Variants in ARL17A observed in about 807,000 individuals in gnomAD.
ARL17A encodes the protein ARF like GTPase 17A.
At position 46,554,285 on chromosome 17, in the gene ARL17A, G is replaced by A. The variant is rs2057136867; in HGVS notation, c.*3071C>T. ...TCTACTAAAAATACTAAATTAGCTG[G>A]GTGTGGTGGCGCAGGCGTGTAATCC... is the stretch of plus-strand genomic sequence containing the variant. On this transcript the variant is annotated 3_prime_UTR_variant, in exon 4 of 4. Transcript: ENST00000336125. 2 of 118,348 alleles carry A rather than the reference G, an allele frequency of 1.7e-5. No individual in the cohort carries two copies. Among genetic ancestry groups the A allele is most frequent in the African/African-American group, 1.5e-4 (2 of 13,648 alleles). 7.3% of individuals were successfully genotyped at this position (118,348 alleles called of 1,614,324 possible).
chr17:46,542,628 G>A (rs1445940006), intron 3 of ARL17A, among the ~76,000 whole-genome samples: 2 of 150,324 alleles, frequency 1.3e-5, no homozygotes, highest in African/African-American at 2.5e-5. Context: ...CCAGGAGGTG[G>A]AGGTTGCAGT....
downstream of ARL17A, chr17:46,552,481 C>T (rs1231413626): frequency 2.7e-5 from 1 of 37,228 alleles, no homozygotes; most frequent in Non-Finnish European, 5.0e-5. Context: ...TGCTATGTTG[C>T]CCAGGCTGGT....
At chr17:46,550,733 G>T (rs886654509), downstream of ARL17A, among the ~76,000 whole-genome samples, 1 of 130,008 alleles carries the variant, frequency 7.7e-6, no homozygotes, top group African/African-American at 3.1e-5. Context: ...TCTGTGAATT[G>T]AAACCATGTG....
At position 46,558,898 on chromosome 17, in the gene ARL17A, G is replaced by A. The variant is rs1411931486; in HGVS notation, c.260-1268C>T. 4.9e-5 allele frequency: 4 copies of A among 81,318 alleles called. No homozygotes were observed. In the Admixed American group the frequency reaches 6.6e-4, roughly 13 times the overall value. 5.0% of individuals were successfully genotyped at this position (81,318 alleles called of 1,614,324 possible). ...TCACTTTGTTGCCCAGGCTGGTTTT[G>A]AACTCCTGGCCTCAAGTGATCCTCC... is the stretch of plus-strand genomic sequence containing the variant. On this transcript the variant is annotated intron_variant, in intron 3 of 3. Transcript: ENST00000336125.
At chr17:46,500,531 T>G in the ARL17A span, among the ~76,000 whole-genome samples, 1 of 149,772 alleles carries the variant, frequency 6.7e-6, no homozygotes, top group Admixed American at 6.6e-5. Context: ...GGAAGGACTG[T>G]TTCGAGGCAG....
chr17:46,532,019 T>G (rs1349539206), intron 4 of ARL17A, among the ~76,000 whole-genome samples: 1 of 149,598 alleles, frequency 6.7e-6, no homozygotes, highest in African/African-American at 2.5e-5. Context: ...TTCATTATTT[T>G]GCACATAGAT....
chr17:46,568,513 GA>G (rs773698388), intron 3 of ARL17A, among the ~76,000 whole-genome samples: 2,469 of 110,286 alleles, frequency 0.022, 525 homozygotes, highest in African/African-American at 0.069. Flanking sequence ...AAAAAAAAAA[GA>G]GGGGGGGAGG....
In ARL17A at chr17:46,558,063, T is replaced by G. The variant is rs1222360775; in HGVS notation, c.260-433A>C. Among the ~76,000 whole-genome samples the G allele has an allele frequency of 6.6e-5, 9 of 137,194 alleles. 2 individuals carry two copies. Among genetic ancestry groups the G allele is most frequent in the African/African-American group, 2.2e-4 (8 of 35,910 alleles). 90.0% of individuals were successfully genotyped at this position (137,194 alleles called of 152,430 possible). On this transcript the variant is annotated intron_variant, in intron 3 of 3. Coordinates refer to ENST00000336125, the MANE Select transcript of ARL17A (RefSeq NM_001113738.2). ...CAGGGAAATTCAGGAGTTTTGTTTG[T>G]TTTTTTTTCTTTTAAGGTGGAGTTT... is the stretch of plus-strand genomic sequence containing the variant.
chr17:46,539,768 C>CAAAAAAAAAAAAAAAAAAAA (rs1204528686), intron 3 of ARL17A, among the ~76,000 whole-genome samples: 1 of 67,036 alleles, frequency 1.5e-5, no homozygotes, highest in Non-Finnish European at 2.7e-5. Context: ...GACTCCATCT[C>CAAAAAAAAAAAAAAAAAAAA]AAAAAAAAAA....
intron 2 of ARL17A, among the ~76,000 whole-genome samples, chr17:46,575,418 G>A (rs190080210): frequency 6.6e-6 from 1 of 151,776 alleles, no homozygotes; most frequent in East Asian, 1.9e-4. Flanking sequence ...TAAGCACTGG[G>A]AGCGTACTTG....
At chr17:46,549,491 G>C (rs2056583967), downstream of ARL17A, 3 of 1,446,358 alleles carry the variant, frequency 2.1e-6, no homozygotes, top group Admixed American at 2.0e-5. Context: ...AACAACGTGG[G>C]CACTGACCTG....
the ARL17A span, among the ~76,000 whole-genome samples, chr17:46,503,161 G>A: frequency 1.4e-5 from 2 of 143,352 alleles, 1 homozygote; most frequent in African/African-American, 5.4e-5. Flanking sequence ...GCAGTGAGCC[G>A]AGATCATGCC....
intron 3 of ARL17A, among the ~76,000 whole-genome samples, chr17:46,569,073 G>A (rs1488167749): frequency 1.3e-4 from 19 of 144,256 alleles, no homozygotes; most frequent in Middle Eastern, 3.3e-3. Context: ...CTCCCGAGTA[G>A]CTGGGATTAC....
chr17:46,517,298 C>T, intron 3 of ARL17A: 1 of 765,522 alleles, frequency 1.3e-6, no homozygotes, highest in South Asian at 2.7e-5. Flanking sequence ...TGCAATGATT[C>T]TTTTACTTAT....
At chr17:46,502,839 AAGTT>A in the ARL17A span, among the ~76,000 whole-genome samples, 2 of 150,900 alleles carry the variant, frequency 1.3e-5, 1 homozygote, top group Non-Finnish European at 2.9e-5. Context: ...AGCCCTTCTG[AAGTT>A]TCCTAGATGT....
At chr17:46,568,359 G>A (rs2057565100) in intron 3 of ARL17A, among the ~76,000 whole-genome samples, 1 of 123,298 alleles carries the variant, frequency 8.1e-6, no homozygotes, top group Admixed American at 8.1e-5. Flanking sequence ...AAGTATTCTT[G>A]CCCCTGAAAT....
chr17:46,516,279 G>T (rs904779795), downstream of ARL17A, among the ~76,000 whole-genome samples: 4 of 121,702 alleles, frequency 3.3e-5, no homozygotes, highest in African/African-American at 1.1e-4. Flanking sequence ...CTCCAGCCTG[G>T]GCGACAGAGC....
At chr17:46,545,876 C>T (rs2056235025) in intron 3 of ARL17A, among the ~76,000 whole-genome samples, 1 of 150,270 alleles carries the variant, frequency 6.7e-6, no homozygotes, top group Admixed American at 6.6e-5. Flanking sequence ...TTCCCACTCC[C>T]AACAGGAATT....
chr17:46,541,343 C>T (rs1175913248), intron 3 of ARL17A, among the ~76,000 whole-genome samples: 1 of 149,534 alleles, frequency 6.7e-6, no homozygotes, highest in East Asian at 2.0e-4. Flanking sequence ...CCTCCACCTC[C>T]CAGGTTCAAG....
Sources: allele counts gnomAD v4.1 joint callset (sites outside exome capture counted in the v4.1 genomes callset), GRCh38; gene constraint gnomAD v4.1.1; transcripts MANE v1.5; gene names NCBI Gene and HGNC (gene_info 2026-07-23, HGNC 2026-07-21).